Variants in COG5 observed in about 807,000 individuals in gnomAD.
COG5 encodes the protein component of oligomeric golgi complex 5, also known as conserved oligomeric Golgi complex subunit 5.
A neutral mutation model predicts 110.4 loss-of-function variants in COG5; 86 were observed. That is an observed-to-expected ratio of 0.78 (90% CI 0.65 to 0.93). The LOEUF (loss-of-function observed/expected upper bound fraction) is 0.93. Ranked by LOEUF, COG5 falls within the 40% of genes least tolerant of loss-of-function variation. The pLI is 0.00. For synonymous variants in COG5, 360 were observed against 334.6 expected, an observed-to-expected ratio of 1.08 and a Z score of -0.83; for missense variants, 1,077 against 987.0, an observed-to-expected ratio of 1.09 and a Z score of -1.22.
chr7:107,404,001 G>A (rs1198660684), intron 7 of COG5, among the ~76,000 whole-genome samples: 1 of 152,024 alleles, frequency 6.6e-6, no homozygotes, highest in African/African-American at 2.4e-5. Flanking sequence ...TCAACAGAAA[G>A]TAACAATTTA....
chr7:107,484,998 TCTC>T lies in COG5; in HGVS notation c.538+42236_538+42238del, dbSNP rs549080267. ...TCTAGGTTTTCTAGTACAGTTACCT[TCTC>T]CTTCCCTTACCCCACGACCTTCAGA... On this transcript the variant is annotated intron_variant, in intron 6 of 21. Transcript: ENST00000297135. 1.9e-3 allele frequency among the ~76,000 whole-genome samples: 284 copies of T among 152,248 alleles called. 2 individuals carry two copies. Among genetic ancestry groups the T allele is most frequent in the African/African-American group, 6.6e-3 (275 of 41,558 alleles).
intron 7 of COG5, among the ~76,000 whole-genome samples, chr7:107,412,047 G>T (rs1385280948): frequency 6.6e-6 from 1 of 151,974 alleles, no homozygotes; most frequent in Non-Finnish European, 1.5e-5. Flanking sequence ...CAAAGTTCTG[G>T]GACTAGAGTG....
At chr7:107,321,345 TG>T (rs1278574150) in intron 11 of COG5, among the ~76,000 whole-genome samples, 1 of 152,138 alleles carries the variant, frequency 6.6e-6, no homozygotes, top group Non-Finnish European at 1.5e-5. Flanking sequence ...ATACAGGATG[TG>T]GATCAGAAGA....
intron 21 of COG5, chr7:107,209,973 A>G (rs1799049071): frequency 3.0e-6 from 3 of 990,336 alleles, no homozygotes; most frequent in Admixed American, 5.7e-5. Flanking sequence ...AAAGCACCCC[A>G]CCCTGGGCAT....
chr7:107,381,281 T>C (rs1584752787), intron 7 of COG5, among the ~76,000 whole-genome samples: 1 of 152,206 alleles, frequency 6.6e-6, no homozygotes, highest in Non-Finnish European at 1.5e-5. Flanking sequence ...TTTCAGATAG[T>C]GCAGAGGGTC....
intron 10 of COG5, among the ~76,000 whole-genome samples, chr7:107,352,225 C>T (rs1303446529): frequency 8.3e-4 from 118 of 142,978 alleles, no homozygotes; most frequent in African/African-American, 2.5e-3. Flanking sequence ...AACCAAACAC[C>T]GCATGTTCTC....
intron 7 of COG5, among the ~76,000 whole-genome samples, chr7:107,388,007 A>C (rs1790332862): frequency 6.6e-6 from 1 of 152,238 alleles, no homozygotes; most frequent in African/African-American, 2.4e-5. Context: ...GCTTATGGTA[A>C]TAATCAAGCA....
chr7:107,413,788 T>C (rs548992861), intron 6 of COG5, among the ~76,000 whole-genome samples: 3 of 152,362 alleles, frequency 2.0e-5, no homozygotes, highest in South Asian at 4.1e-4. Context: ...ATATAGCATG[T>C]ATAATACATT....
intron 6 of COG5, among the ~76,000 whole-genome samples, chr7:107,477,184 ATCT>A (rs1315412252): frequency 4.0e-5 from 6 of 151,666 alleles, no homozygotes; most frequent in African/African-American, 9.7e-5. Context: ...CCAGCTCCTA[ATCT>A]TCTTTTATTT....
At chr7:107,454,560 A>G (rs1795545635) in intron 6 of COG5, among the ~76,000 whole-genome samples, 1 of 152,196 alleles carries the variant, frequency 6.6e-6, no homozygotes, top group African/African-American at 2.4e-5. Context: ...GTTTCTTAGT[A>G]TAAGGATGAT....
At chr7:107,371,971 T>G (rs1814210630) in intron 8 of COG5, among the ~76,000 whole-genome samples, 1 of 152,210 alleles carries the variant, frequency 6.6e-6, no homozygotes, top group Non-Finnish European at 1.5e-5. Flanking sequence ...ATCTGTGGTC[T>G]TTTCTATCTT....
intron 13 of COG5, among the ~76,000 whole-genome samples, chr7:107,282,362 C>T (rs898537751): frequency 2.0e-5 from 3 of 152,106 alleles, no homozygotes; most frequent in Admixed American, 6.6e-5. Flanking sequence ...TTAACATTTA[C>T]ATAAACAGGT....
chr7:107,530,599 C>T (rs145264747), intron 5 of COG5, among the ~76,000 whole-genome samples: 1 of 79,742 alleles, frequency 1.3e-5, no homozygotes, highest in East Asian at 4.1e-4. Context: ...GAAACTCCAT[C>T]TCAAAAAAAA....
At chr7:107,384,733 T>C (rs987270339) in intron 7 of COG5, among the ~76,000 whole-genome samples, 11 of 152,154 alleles carry the variant, frequency 7.2e-5, no homozygotes, top group Non-Finnish European at 1.2e-4. Flanking sequence ...CTGTCTGCCA[T>C]GGCAGGACAC....
intron 14 of COG5, among the ~76,000 whole-genome samples, chr7:107,259,153 AT>A (rs996776554): frequency 2.1e-4 from 32 of 152,216 alleles, no homozygotes; most frequent in Admixed American, 1.1e-3. Flanking sequence ...GAAAAAAAAA[AT>A]ATCAACCATT....
At chr7:107,308,746 TA>T (rs1443186105) in intron 11 of COG5, among the ~76,000 whole-genome samples, 1 of 150,898 alleles carries the variant, frequency 6.6e-6, no homozygotes, top group East Asian at 2.0e-4. Context: ...CCATTACCAA[TA>T]AAAAAAGTAT....
intron 16 of COG5, among the ~76,000 whole-genome samples, chr7:107,250,890 T>C (rs1463785040): frequency 6.6e-6 from 1 of 151,622 alleles, no homozygotes; most frequent in East Asian, 1.9e-4. Flanking sequence ...AACTGCAAAA[T>C]GTCTAATATA....
chr7:107,227,263 A>G (rs954707754), intron 19 of COG5, among the ~76,000 whole-genome samples: 2 of 152,228 alleles, frequency 1.3e-5, no homozygotes, highest in African/African-American at 4.8e-5. Flanking sequence ...TGAACCATAC[A>G]TATGGGTGTC....
chr7:107,360,656 G>A (rs977585375), intron 10 of COG5, among the ~76,000 whole-genome samples: 1 of 152,192 alleles, frequency 6.6e-6, no homozygotes, highest in African/African-American at 2.4e-5. Context: ...TAAGCTGTGT[G>A]TAGTACATCT....
Sources: allele counts gnomAD v4.1 joint callset (sites outside exome capture counted in the v4.1 genomes callset), GRCh38; gene constraint gnomAD v4.1.1; transcripts MANE v1.5; gene names NCBI Gene and HGNC (gene_info 2026-07-23, HGNC 2026-07-21).